The following ADGRL1 variants were observed in gnomAD, a reference collection of about 807,000 sequenced individuals.
ADGRL1 encodes the protein CIRL-1.
ADGRL1 carries 31 observed loss-of-function variants against 148.9 expected under a neutral mutation model. The observed-to-expected ratio is 0.21, with a 90% confidence interval of 0.16 to 0.28. ADGRL1 has a LOEUF of 0.28. Ranked by LOEUF, ADGRL1 falls within the 10% of genes least tolerant of loss-of-function variation. ADGRL1 has a pLI of 1.00. For missense variants in ADGRL1, 1,521 were observed against 2,058.8 expected (o/e 0.74, Z 5.05); for synonymous variants, 937 against 900.3 (o/e 1.04, Z -0.73).
In ADGRL1 at chr19:14,183,590, C is replaced by T. The variant is rs1228504419; in HGVS notation, c.13G>A (p.Ala5Thr). 7 of 1,579,610 alleles carry T rather than the reference C, an allele frequency of 4.4e-6. No homozygotes were observed. The South Asian group carries it at 8.1e-5, about 18-fold the overall frequency. Residue 5 changes from alanine (A) to threonine (T), a missense_variant, in exon 2 of 23, where the codon GCC becomes ACC. Ala to Thr is a moderately conservative substitution (Grantham distance 58). Coordinates refer to ENST00000361434, the MANE Select transcript of ADGRL1 (RefSeq NM_014921.5). MARL[A>T]AVLWNLCVTA... is the part of the protein sequence containing the mutation. ...ACACACAGATTCCAGAGCACTGCGGCTAGGCGGGCCATGGTGGCAGCCGGG... is the reference window on the plus strand; with the variant it reads ...ACACACAGATTCCAGAGCACTGCGGTTAGGCGGGCCATGGTGGCAGCCGGG...
rs749832796 is a variant in ADGRL1 at position 14,159,070 on chromosome 19, G to A, written c.2149+20C>T. On this transcript the variant is annotated intron_variant, in intron 11 of 22. Transcript: ENST00000361434. The surrounding 1 kb of genome is among the most constrained non-coding windows in gnomAD (Gnocchi z 6.0). ...GGGTGGGGCTGCTTCCCCACCCGAG[G>A]CCCCGCCGGGGACACTGACCATTGC... is the stretch of plus-strand genomic sequence containing the variant. 2.5e-6 allele frequency: 4 copies of A among 1,612,776 alleles called. No individual in the cohort carries two copies. In the South Asian group the frequency reaches 3.3e-5, roughly 13 times the overall value.
At chr19:14,176,144 A>G (rs1970809593) in intron 3 of ADGRL1, among the ~76,000 whole-genome samples, 1 of 151,764 alleles carries the variant, frequency 6.6e-6, no homozygotes, top group Non-Finnish European at 1.5e-5. Flanking sequence ...AGGTCAAGAG[A>G]TCGAGACCAT....
Position 14,152,889 on chromosome 19 carries a change from G to A in ADGRL1, c.3318C>T (p.Cys1106=). 1 of 1,614,120 alleles carries A rather than the reference G, an allele frequency of 6.2e-7. No homozygotes were observed. Among genetic ancestry groups the A allele is most frequent in the South Asian group, 1.1e-5 (1 of 91,076 alleles). ...GGATGCAGCAGTAGGAGTGACGCAG[G>A]CACTTGCTGTACTCCTTGTGCACCT... ...QKKVHKEYSK[C]LRHSYCCIRS... is the part of the protein sequence containing the mutation. Residue 1106 remains cysteine, a synonymous_variant, in exon 19 of 23, where the codon TGC becomes TGT. Coordinates refer to ENST00000361434, the MANE Select transcript of ADGRL1 (RefSeq NM_014921.5). The surrounding 1 kb of genome is among the most constrained non-coding windows in gnomAD (Gnocchi z 6.1).
intron 2 of ADGRL1, among the ~76,000 whole-genome samples, chr19:14,181,756 G>A (rs1223203926): frequency 3.9e-5 from 6 of 152,236 alleles, no homozygotes; most frequent in African/African-American, 1.2e-4. Context: ...AACAGCCACC[G>A]TTCTTCTTTC....
chr19:14,152,142 G>A lies in ADGRL1; in HGVS notation c.3658C>T (p.Arg1220Trp). Reference protein sequence around the residue: ...PPVFNSPGSYREPKHPLGGRE... With the variant: ...PPVFNSPGSYWEPKHPLGGRE... ...GAAGAGTCACACTTACTGGGTTCCC[G>A]GTAGCTCCCTGCAGGTGGCAGCCAG... is the stretch of plus-strand genomic sequence containing the variant. The change falls in exon 22 of 23, where the codon CGG becomes TGG. Residue 1220 changes from arginine to tryptophan, a missense_variant. Arg to Trp is a moderately radical substitution (Grantham distance 101). This residue lies in a region of ADGRL1 where 390 missense variants were observed against 375.0 expected (regional missense o/e 1.04). Transcript: ENST00000361434. The surrounding 1 kb of genome is among the most constrained non-coding windows in gnomAD (Gnocchi z 6.1). 5 of 1,614,038 alleles carry A rather than the reference G, an allele frequency of 3.1e-6. No homozygotes were observed. Among genetic ancestry groups the A allele is most frequent in the Non-Finnish European group, 2.5e-6 (3 of 1,179,946 alleles).
chr19:14,197,796 T>C (rs918720670), intron 1 of ADGRL1, among the ~76,000 whole-genome samples: 4 of 152,194 alleles, frequency 2.6e-5, no homozygotes, highest in African/African-American at 7.2e-5. Context: ...TCTTGTTGCA[T>C]ACCCAACCCT....
chr19:14,164,544 G>A (rs1229712806), intron 4 of ADGRL1: 1 of 152,332 alleles, frequency 6.6e-6, no homozygotes, highest in East Asian at 1.9e-4. Flanking sequence ...GGCAGGGGAG[G>A]GAACCAGGCG....
At chr19:14,171,748 G>A (rs922381296) in intron 3 of ADGRL1, among the ~76,000 whole-genome samples, 2 of 152,166 alleles carry the variant, frequency 1.3e-5, no homozygotes, top group South Asian at 2.1e-4. Context: ...AGCCATTCTC[G>A]GTTCCCAAGA....
At position 14,155,160 on chromosome 19, in the gene ADGRL1, T is replaced by A; in HGVS notation, c.3294+199A>T. ...TGTATCTTGTTTTCCAGAACCCTCT[T>A]CACCCGTGGTTAAACCCTCCCTAAC... On this transcript the variant is annotated intron_variant, in intron 18 of 22. Coordinates refer to ENST00000361434, the MANE Select transcript of ADGRL1 (RefSeq NM_014921.5). This position sits in a 1 kb window ranked among gnomAD's most constrained non-coding sequence, Gnocchi z 5.0. 1 of 499,392 alleles carries A rather than the reference T, an allele frequency of 2.0e-6. No homozygotes were observed. 30.9% of individuals were successfully genotyped at this position (499,392 alleles called of 1,614,324 possible).
chr19:14,153,779 C>A (rs1968455846), intron 18 of ADGRL1, among the ~76,000 whole-genome samples: 1 of 151,146 alleles, frequency 6.6e-6, no homozygotes, highest in East Asian at 2.0e-4. Flanking sequence ...GGTGAAACCC[C>A]ACCTCTACTA....
In ADGRL1 at chr19:14,155,304, A is replaced by AC. The variant is rs1250705588; in HGVS notation, c.3294+54dup. ...CCACCCTCGCCGCCTTCTCCTGGGT[A>AC]CCCAGGAAACGTCTCCAAGGGAGGC... On this transcript the variant is annotated intron_variant, in intron 18 of 22. Transcript: ENST00000361434. The surrounding 1 kb of genome is among the most constrained non-coding windows in gnomAD (Gnocchi z 5.0). 6.3e-7 allele frequency: 1 copy of AC among 1,589,614 alleles called. No individual in the cohort carries two copies. Among genetic ancestry groups the AC allele is most frequent in the Non-Finnish European group, 8.6e-7 (1 of 1,164,576 alleles).
At position 14,163,465 on chromosome 19, in the gene ADGRL1, G is replaced by GGAGAGAGAGAGAGAGAGAGAGAGAGAGA. The variant is rs71170599; in HGVS notation, c.395-87_395-60dup. On this transcript the variant is annotated intron_variant, in intron 4 of 22. Transcript: ENST00000361434. The stretch of plus-strand genomic sequence containing the variant: ...AGAGAAGGGGCAGAGGCGAGAGGGA[G>GGAGAGAGAGAGAGAGAGAGAGAGAGAGA]GAGAGAGAGAGAGAGAGAGAGAGAG... 8.4e-5 allele frequency: 59 copies of GGAGAGAGAGAGAGAGAGAGAGAGAGAGA among 702,324 alleles called. 1 individual carries two copies. The African/African-American group carries it at 1.3e-3, about 15-fold the overall frequency. The allele number at this position is 702,324 out of a possible 1,614,324, so 43.5% of individuals were successfully genotyped here.
intron 1 of ADGRL1, among the ~76,000 whole-genome samples, chr19:14,200,768 T>C (rs1312321406): frequency 2.6e-5 from 4 of 152,154 alleles, no homozygotes; most frequent in Non-Finnish European, 4.4e-5. Flanking sequence ...TGCGGCACCA[T>C]GCCCAACTAA....
chr19:14,197,840 T>C (rs2145154096), intron 1 of ADGRL1, among the ~76,000 whole-genome samples: 1 of 152,292 alleles, frequency 6.6e-6, no homozygotes, highest in Non-Finnish European at 1.5e-5. Flanking sequence ...ATTTGTTTAA[T>C]GAATGAAGAT....
intron 2 of ADGRL1, among the ~76,000 whole-genome samples, chr19:14,179,047 G>A (rs149892665): frequency 6.6e-6 from 1 of 152,088 alleles, no homozygotes; most frequent in African/African-American, 2.4e-5. Context: ...AGCTGGACGT[G>A]GTGGCATGTG....
intron 1 of ADGRL1, among the ~76,000 whole-genome samples, chr19:14,205,608 G>A (rs533492870): frequency 5.3e-5 from 8 of 151,686 alleles, no homozygotes; most frequent in Admixed American, 2.6e-4. Flanking sequence ...CACACGCACC[G>A]GGGACACGCA....
chr19:14,182,642 G>A (rs899490227), intron 2 of ADGRL1, among the ~76,000 whole-genome samples: 1 of 152,322 alleles, frequency 6.6e-6, no homozygotes, highest in African/African-American at 2.4e-5. Context: ...TAGCCTTCCC[G>A]GGCTTGGGAG....
intron 3 of ADGRL1, among the ~76,000 whole-genome samples, chr19:14,173,894 C>T (rs151126121): frequency 9.1e-5 from 13 of 142,378 alleles, no homozygotes; most frequent in African/African-American, 3.0e-4. Flanking sequence ...TGCAGTGAGC[C>T]GAGATCATGC....
intron 2 of ADGRL1, among the ~76,000 whole-genome samples, chr19:14,183,149 T>G (rs908302615): frequency 6.6e-6 from 1 of 151,710 alleles, no homozygotes; most frequent in Non-Finnish European, 1.5e-5. Context: ...CGGGCATGCT[T>G]TAATTAAGCC....
Sources: gnomAD v4.1 joint callset for allele counts (sites outside exome capture counted in the v4.1 genomes callset) on GRCh38, gnomAD v4.1.1 for gene constraint, gnomAD v4.1.1 regional missense constraint, Gnocchi (gnomAD v3.1) non-coding constraint, MANE v1.5 for transcripts, NCBI Gene and HGNC (gene_info 2026-07-23, HGNC 2026-07-21) for gene names.